DCC: variants seen among roughly 807,000 people sequenced by gnomAD.
DCC encodes DCC netrin 1 receptor, also known as netrin receptor DCC.
Under a neutral mutation model 172.5 loss-of-function variants are expected in DCC, and 58 were observed. The observed-to-expected ratio is 0.34, with a 90% confidence interval of 0.27 to 0.42. The LOEUF is 0.42. DCC is among the 10% of genes least tolerant of loss of function. The pLI, the probability that DCC is intolerant of heterozygous loss-of-function variation, is 1.00. For missense variants in DCC, 1,740 were observed against 1,791.0 expected (o/e 0.97, Z 0.51); for synonymous variants, 709 against 644.5 (o/e 1.10, Z -1.52).
At chr18:53,185,803 C>T (rs1452564670) in intron 9 of DCC, among the ~76,000 whole-genome samples, 2 of 152,214 alleles carry the variant, frequency 1.3e-5, no homozygotes, top group Admixed American at 6.5e-5. Flanking sequence ...ACAGCTTTCA[C>T]AGATTTCATC....
chr18:53,189,048 G>A (rs1054482850), intron 9 of DCC, among the ~76,000 whole-genome samples: 5 of 152,050 alleles, frequency 3.3e-5, no homozygotes, highest in Non-Finnish European at 7.4e-5. Context: ...TATTCAACCC[G>A]ATATACTGCC....
At chr18:53,137,337 T>A (rs1465450158) in intron 7 of DCC, among the ~76,000 whole-genome samples, 1 of 152,178 alleles carries the variant, frequency 6.6e-6, no homozygotes, top group Non-Finnish European at 1.5e-5. Flanking sequence ...TGGCCATAGG[T>A]CTGAGTTCCC....
At chr18:52,754,354 A>T (rs1288495729) in intron 2 of DCC, 1 of 152,160 alleles carries the variant, frequency 6.6e-6, no homozygotes, top group Non-Finnish European at 1.5e-5. Flanking sequence ...TCTCCCTAAA[A>T]TGTGTATATT....
At chr18:53,469,540 T>C (rs544403632) in intron 25 of DCC, among the ~76,000 whole-genome samples, 1 of 152,292 alleles carries the variant, frequency 6.6e-6, no homozygotes, top group South Asian at 2.1e-4. Flanking sequence ...GGTATCCTTG[T>C]CCTTCCATCA....
chr18:53,029,097 C>G (rs1229519600), intron 5 of DCC, among the ~76,000 whole-genome samples: 1 of 150,712 alleles, frequency 6.6e-6, no homozygotes, highest in Non-Finnish European at 1.5e-5. Flanking sequence ...AAGAAGTAAA[C>G]TAAAAATTAC....
chr18:53,023,102 A>G (rs557352677), intron 5 of DCC, among the ~76,000 whole-genome samples: 48 of 152,148 alleles, frequency 3.2e-4, no homozygotes, highest in African/African-American at 1.1e-3. Context: ...CTGTGCTTTG[A>G]TGCACTTTTT....
chr18:52,910,099 A>T lies in DCC; in HGVS notation c.697+3771A>T, dbSNP rs555972056. 4.6e-5 allele frequency among the ~76,000 whole-genome samples: 7 copies of T among 152,286 alleles called. No individual in the cohort carries two copies. The South Asian group carries it at 1.2e-3, about 27-fold the overall frequency. On this transcript the variant is annotated intron_variant, in intron 3 of 28. Coordinates refer to ENST00000442544, the MANE Select transcript of DCC (RefSeq NM_005215.4). ...TAAGGAGGATGAGGTGGAATGCTACAGCGCTCATCCTGGAGAGAATTGACC... is the reference window on the plus strand; with the variant it reads ...TAAGGAGGATGAGGTGGAATGCTACTGCGCTCATCCTGGAGAGAATTGACC...
At chr18:53,375,204 C>T (rs897587459) in intron 15 of DCC, among the ~76,000 whole-genome samples, 3 of 151,936 alleles carry the variant, frequency 2.0e-5, no homozygotes, top group Non-Finnish European at 2.9e-5. Context: ...CATATACTAA[C>T]CTCTGATCTT....
At chr18:52,795,737 A>G (rs750631656) in intron 2 of DCC, among the ~76,000 whole-genome samples, 15 of 152,132 alleles carry the variant, frequency 9.9e-5, no homozygotes, top group Non-Finnish European at 2.2e-4. Flanking sequence ...TTATTGCTAT[A>G]AACTTCCTTC....
In DCC at chr18:52,854,003, A is replaced by G. The variant is rs556737549; in HGVS notation, c.413-52041A>G. 3.3e-5 allele frequency among the ~76,000 whole-genome samples: 5 copies of G among 152,310 alleles called. No individual in the cohort carries two copies. In the East Asian group the frequency reaches 9.6e-4, roughly 29 times the overall value. Reference sequence around the variant, plus strand: ...ATCATTAGCCACTCAGTTTTTGGCAAATAGCTTTTCTTGACTTCAGTTTAC... The same window carrying G: ...ATCATTAGCCACTCAGTTTTTGGCAGATAGCTTTTCTTGACTTCAGTTTAC... On this transcript the variant is annotated intron_variant, in intron 2 of 28. Coordinates refer to ENST00000442544, the MANE Select transcript of DCC (RefSeq NM_005215.4).
intron 1 of DCC, among the ~76,000 whole-genome samples, chr18:52,632,435 C>A (rs778396367): frequency 1.3e-5 from 2 of 152,106 alleles, no homozygotes; most frequent in Non-Finnish European, 2.9e-5. Flanking sequence ...GACTTGCATG[C>A]GTAATAAAGC....
chr18:53,253,132 G>A (rs1284099701), intron 12 of DCC, among the ~76,000 whole-genome samples: 1 of 151,870 alleles, frequency 6.6e-6, no homozygotes, highest in Non-Finnish European at 1.5e-5. Flanking sequence ...AACCACAGAT[G>A]TAAATGATCC....
chr18:53,019,267 T>A (rs2041847596), intron 5 of DCC, among the ~76,000 whole-genome samples: 1 of 152,174 alleles, frequency 6.6e-6, no homozygotes, highest in Admixed American at 6.5e-5. Flanking sequence ...AGGCTGAATT[T>A]CTCTTTTTTG....
chr18:53,226,877 T>G (rs1375546855), intron 12 of DCC, among the ~76,000 whole-genome samples: 1 of 148,372 alleles, frequency 6.7e-6, no homozygotes, highest in African/African-American at 2.5e-5. Flanking sequence ...AAATATATAT[T>G]AGTTAAGTAT....
In DCC at chr18:53,425,442, C is replaced by A. The variant is rs537975151; in HGVS notation, c.3163+9286C>A. The stretch of plus-strand genomic sequence containing the variant: ...TGGCATGATCTTGGCTCACTGCAAT[C>A]TCTGCCTCCTGGGTTCAAGCGATTC... On this transcript the variant is annotated intron_variant, in intron 21 of 28. Transcript: ENST00000442544. Among the ~76,000 whole-genome samples the A allele has an allele frequency of 4.8e-5, 7 of 145,118 alleles. No homozygotes were observed. In the East Asian group the frequency reaches 1.1e-3, roughly 22 times the overall value.
intron 21 of DCC, 50 bp downstream of exon 21, chr18:53,416,206 G>A (rs374746486): frequency 3.9e-6 from 5 of 1,297,042 alleles, no homozygotes; most frequent in African/African-American, 1.5e-5. Flanking sequence ...AATCCTGTCT[G>A]TTAGACATGT....
intron 1 of DCC, among the ~76,000 whole-genome samples, chr18:52,713,397 G>A (rs7506579): frequency 0.05 from 7,650 of 152,276 alleles, 628 homozygotes; most frequent in African/African-American, 0.17. Flanking sequence ...ACAAGGAAGA[G>A]AGAGCAGAGG....
intron 17 of DCC, among the ~76,000 whole-genome samples, chr18:53,392,346 C>G (rs1487142920): frequency 6.6e-6 from 1 of 151,686 alleles, no homozygotes. Flanking sequence ...TTTTTTGTAA[C>G]CTCAGCACTC....
At chr18:53,201,861 A>T (rs1339389474) in intron 9 of DCC, among the ~76,000 whole-genome samples, 1 of 152,182 alleles carries the variant, frequency 6.6e-6, no homozygotes, top group Admixed American at 6.6e-5. Flanking sequence ...GTCTGTGAAA[A>T]TACAACTCTC....
Sources: allele counts gnomAD v4.1 joint callset (sites outside exome capture counted in the v4.1 genomes callset), GRCh38; gene constraint gnomAD v4.1.1; transcripts MANE v1.5; gene names NCBI Gene and HGNC (gene_info 2026-07-23, HGNC 2026-07-21).